Variants in KRABD3 observed in about 807,000 individuals in gnomAD.
KRABD3 encodes KRAB domain containing 3.
At chr7:149,729,403 C>G in the KRABD3 span, 1 of 1,389,646 alleles carries the variant, frequency 7.2e-7, no homozygotes, top group African/African-American at 1.5e-5. Context: ...TACTGACAGC[C>G]CCACTTCAGT....
the KRABD3 span, chr7:149,722,539 G>A: frequency 3.7e-6 from 6 of 1,609,118 alleles, no homozygotes; most frequent in Non-Finnish European, 5.1e-6. Flanking sequence ...CAGGAGAGAG[G>A]GACCTCAGAG....
chr7:149,729,939 T>C, the KRABD3 span: 2 of 1,276,778 alleles, frequency 1.6e-6, no homozygotes, highest in Non-Finnish European at 2.0e-6. Context: ...CCAGCAGACT[T>C]TCCAAAGCTG....
chr7:149,721,622 TC>T, the KRABD3 span: 1 of 1,429,762 alleles, frequency 7.0e-7, no homozygotes, highest in Admixed American at 2.0e-5. Context: ...TGTGCCCTCT[TC>T]ATTTTTTTCT....
the KRABD3 span, chr7:149,722,793 T>G: frequency 6.2e-6 from 10 of 1,603,080 alleles, no homozygotes; most frequent in Non-Finnish European, 8.5e-6. Context: ...GAATTTCTCC[T>G]GGGAACAGCC....
At chr7:149,720,712 C>T in the KRABD3 span, 1 of 1,036,284 alleles carries the variant, frequency 9.6e-7, no homozygotes, top group Non-Finnish European at 1.4e-6. Flanking sequence ...CATGGTGTCT[C>T]CTCTGGCTGC....
At chr7:149,731,813 C>T in the KRABD3 span, 1 of 1,497,214 alleles carries the variant, frequency 6.7e-7, no homozygotes, top group Non-Finnish European at 9.2e-7. Context: ...TCTGCACGGG[C>T]CAGGACCCAG....
the KRABD3 span, chr7:149,723,977 ACACT>A: frequency 2.8e-6 from 4 of 1,413,856 alleles, no homozygotes; most frequent in Non-Finnish European, 3.9e-6. Context: ...CCCACCACAA[ACACT>A]CAGGCCCCCA....
chr7:149,719,501 C>G, the KRABD3 span: 2 of 1,526,398 alleles, frequency 1.3e-6, no homozygotes, highest in African/African-American at 2.8e-5. The surrounding 1 kb of genome is among the most constrained non-coding windows in gnomAD (Gnocchi z 5.6). Context: ...TAGGCTGTCC[C>G]CTCTGGGATG....
chr7:149,717,318 A>G, the KRABD3 span, among the ~76,000 whole-genome samples: 1 of 152,114 alleles, frequency 6.6e-6, no homozygotes, highest in Non-Finnish European at 1.5e-5. Context: ...TCATTTAGGG[A>G]ATGGTGGGAA....
At chr7:149,718,513 CT>C in the KRABD3 span, among the ~76,000 whole-genome samples, 401 of 81,954 alleles carry the variant, frequency 4.9e-3, no homozygotes, top group Middle Eastern at 0.043. Context: ...CACTGAAGGA[CT>C]TTTTTTTTTT....
At chr7:149,726,209 A>G in the KRABD3 span, 1 of 705,902 alleles carries the variant, frequency 1.4e-6, no homozygotes, top group Non-Finnish European at 2.3e-6. Context: ...TGCGGGACTT[A>G]TCTTGGGTGG....
the KRABD3 span, among the ~76,000 whole-genome samples, chr7:149,725,139 G>T: frequency 4.6e-5 from 7 of 152,310 alleles, no homozygotes; most frequent in East Asian, 3.9e-4. Flanking sequence ...GGAGCAGGGT[G>T]GGGGGCGAGA....
At chr7:149,727,120 G>A in the KRABD3 span, among the ~76,000 whole-genome samples, 1 of 152,182 alleles carries the variant, frequency 6.6e-6, no homozygotes, top group African/African-American at 2.4e-5. Context: ...CAGGACTCCA[G>A]CATCCCCTCT....
At chr7:149,730,488 C>A in the KRABD3 span, 20 of 1,609,856 alleles carry the variant, frequency 1.2e-5, no homozygotes, top group Admixed American at 3.4e-5. Flanking sequence ...CCTGGTGGGA[C>A]CCCTGCTGGC....
the KRABD3 span, among the ~76,000 whole-genome samples, chr7:149,715,708 T>A: frequency 1.3e-5 from 2 of 152,166 alleles, no homozygotes; most frequent in Non-Finnish European, 2.9e-5. Flanking sequence ...GAGGCAGCCA[T>A]GGATGGGGGG....
the KRABD3 span, chr7:149,715,436 C>T: frequency 1.1e-6 from 1 of 877,438 alleles, no homozygotes; most frequent in African/African-American, 1.8e-5. Context: ...AAAGATAGAA[C>T]AAACCCCAAG....
At chr7:149,715,191 CAG>C in the KRABD3 span, 1 of 1,222,442 alleles carries the variant, frequency 8.2e-7, no homozygotes, top group Non-Finnish European at 1.0e-6. Context: ...GCCTGATGCT[CAG>C]GGGTTCGTGC....
At chr7:149,724,714 G>C in the KRABD3 span, 5 of 1,551,274 alleles carry the variant, frequency 3.2e-6, no homozygotes, top group South Asian at 1.2e-5. Context: ...TCTGCTCTCT[G>C]TGAAGATGGA....
chr7:149,724,018 G>A, the KRABD3 span: 3 of 944,228 alleles, frequency 3.2e-6, no homozygotes, highest in Non-Finnish European at 4.7e-6. Flanking sequence ...AGAGGATCCG[G>A]ATGCGGGGGA....
Sources: allele counts gnomAD v4.1 joint callset (sites outside exome capture counted in the v4.1 genomes callset), GRCh38; gene constraint gnomAD v4.1.1; non-coding constraint Gnocchi (gnomAD v3.1); transcripts MANE v1.5; gene names NCBI Gene and HGNC (gene_info 2026-07-23, HGNC 2026-07-21).